COL8A1: variants seen among roughly 807,000 people sequenced by gnomAD.
COL8A1 encodes the protein collagen type VIII alpha 1 chain.
In COL8A1, 21 loss-of-function variants were observed where a neutral mutation model predicts 42.7. The observed-to-expected ratio is 0.49, with a 90% CI of 0.35 to 0.71. The LOEUF is 0.71. Among genes scored for constraint, COL8A1 ranks in the 30% least tolerant of loss-of-function variants. COL8A1 has a pLI of 0.01. For synonymous variants in COL8A1, 367 were observed against 369.1 expected (o/e 0.99, Z 0.06); for missense variants, 788 against 962.4 (o/e 0.82, Z 2.40).
At chr3:99,782,252 T>C (rs549139110) in intron 2 of COL8A1, among the ~76,000 whole-genome samples, 1 of 152,226 alleles carries the variant, frequency 6.6e-6, no homozygotes, top group East Asian at 1.9e-4. Flanking sequence ...GTAGGGGGTG[T>C]ACAAACTCTC....
chr3:99,696,630 G>A (rs916716908), intron 1 of COL8A1, among the ~76,000 whole-genome samples: 2 of 152,194 alleles, frequency 1.3e-5, no homozygotes, highest in African/African-American at 4.8e-5. Context: ...CCAGCCACTG[G>A]TGGGAGATTC....
At chr3:99,641,891 A>G (rs771510430) in intron 1 of COL8A1, among the ~76,000 whole-genome samples, 1 of 152,166 alleles carries the variant, frequency 6.6e-6, no homozygotes, top group Non-Finnish European at 1.5e-5. Flanking sequence ...AAGAAAACCA[A>G]AAGGAGAGGA....
At chr3:99,752,658 A>G (rs1386065062) in intron 2 of COL8A1, among the ~76,000 whole-genome samples, 1 of 151,866 alleles carries the variant, frequency 6.6e-6, no homozygotes, top group African/African-American at 2.4e-5. Flanking sequence ...TGAGATGAGG[A>G]CTTTTACTTG....
At chr3:99,682,630 G>A (rs1207421451) in intron 1 of COL8A1, among the ~76,000 whole-genome samples, 1 of 146,532 alleles carries the variant, frequency 6.8e-6, no homozygotes, top group Non-Finnish European at 1.5e-5. Flanking sequence ...AAAAAAAAAA[G>A]AAGTGCCTTA....
rs1048151664 is a variant in COL8A1, at chr3:99,794,202, C to A, written c.329-28C>A. On this transcript the variant is annotated intron_variant, in intron 3 of 3. Coordinates refer to ENST00000652472, the MANE Select transcript of COL8A1 (RefSeq NM_020351.4). The surrounding 1 kb of genome is among the most constrained non-coding windows in gnomAD (Gnocchi z 4.3). ...ATCAATCTCTCTCTCTCCCCCCATA[C>A]CCCTTCTCTCTCTTCTCTTCCCAGT... 4 of 1,432,694 alleles carry A rather than the reference C, an allele frequency of 2.8e-6. No homozygotes were observed. The highest frequency in any genetic ancestry group is 2.3e-5 in the East Asian group (1 of 43,688). 88.7% of individuals were successfully genotyped at this position (1,432,694 alleles called of 1,614,324 possible).
intron 1 of COL8A1, among the ~76,000 whole-genome samples, chr3:99,740,306 C>G (rs1429834487): frequency 1.3e-5 from 2 of 152,174 alleles, no homozygotes; most frequent in Non-Finnish European, 2.9e-5. Context: ...CAGGTATTTT[C>G]ATAGCAGCAC....
At position 99,790,704 on chromosome 3, in the gene COL8A1, C is replaced by G. The variant is rs758551609; in HGVS notation, c.22C>G (p.Leu8Val). ...GGTGATGGCTGTGCTGCCTGGCCCT[C>G]TGCAGCTGCTGGGAGTGCTGCTTAC... MAVLPGP[L>V]QLLGVLLTIS... Residue 8 changes from leucine (L) to valine (V), a missense_variant, in exon 3 of 4, where the codon CTG becomes GTG. Leu to Val is a conservative substitution (Grantham distance 32). Coordinates refer to ENST00000652472, the MANE Select transcript of COL8A1 (RefSeq NM_020351.4). 1 of 1,614,150 alleles carries G rather than the reference C, an allele frequency of 6.2e-7. No homozygotes were observed. The highest frequency in any genetic ancestry group is 8.5e-7 in the Non-Finnish European group (1 of 1,180,022).
chr3:99,660,231 C>T (rs898457990), intron 1 of COL8A1, among the ~76,000 whole-genome samples: 1 of 152,144 alleles, frequency 6.6e-6, no homozygotes, highest in African/African-American at 2.4e-5. Context: ...ATAAGCTCTC[C>T]AAAGTCAGTG....
At position 99,696,700 on chromosome 3, in the gene COL8A1, C is replaced by T. The variant is rs16841635; in HGVS notation, c.-128-48197C>T. On this transcript the variant is annotated intron_variant, in intron 1 of 3. Transcript: ENST00000652472. ...AGCCATTCATCAGTCCCCGGGGTTA[C>T]GCAATTAATGCAGCATCATAACAGA... is the stretch of plus-strand genomic sequence containing the variant. 4.3e-3 allele frequency among the ~76,000 whole-genome samples: 656 copies of T among 152,260 alleles called. 5 individuals carry two copies. Among genetic ancestry groups the T allele is most frequent in the African/African-American group, 0.015 (621 of 41,542 alleles).
chr3:99,715,663 T>C (rs185966007), intron 1 of COL8A1, among the ~76,000 whole-genome samples: 61 of 152,180 alleles, frequency 4.0e-4, no homozygotes, highest in Middle Eastern at 3.4e-3. Flanking sequence ...CAAAAATTTG[T>C]TGGAGCCGGA....
intron 1 of COL8A1, among the ~76,000 whole-genome samples, chr3:99,681,627 C>T (rs1457192548): frequency 6.6e-6 from 1 of 152,106 alleles, no homozygotes; most frequent in Non-Finnish European, 1.5e-5. Context: ...AAGACTAAAA[C>T]ACAAGAAGAC....
At chr3:99,699,342 G>A (rs1308243215) in intron 1 of COL8A1, among the ~76,000 whole-genome samples, 1 of 152,176 alleles carries the variant, frequency 6.6e-6, no homozygotes, top group African/African-American at 2.4e-5. Flanking sequence ...CACTGCACTT[G>A]TAAATCACAG....
At chr3:99,696,105 G>A (rs1939359601) in intron 1 of COL8A1, among the ~76,000 whole-genome samples, 1 of 152,218 alleles carries the variant, frequency 6.6e-6, no homozygotes, top group South Asian at 2.1e-4. Context: ...CTGCACTCCG[G>A]CCTGGGCGAC....
At chr3:99,669,615 A>T (rs974922688) in intron 1 of COL8A1, among the ~76,000 whole-genome samples, 17 of 152,120 alleles carry the variant, frequency 1.1e-4, no homozygotes, top group Non-Finnish European at 1.6e-4. Context: ...ATGAATAAAT[A>T]AATGAATGAA....
chr3:99,775,600 CCT>C (rs1031413995), intron 2 of COL8A1, among the ~76,000 whole-genome samples: 2 of 152,186 alleles, frequency 1.3e-5, no homozygotes, highest in Non-Finnish European at 2.9e-5. Context: ...TGATGGCCAG[CCT>C]CTCTTCCCAG....
At chr3:99,757,716 G>A (rs1167147127) in intron 2 of COL8A1, among the ~76,000 whole-genome samples, 3 of 152,086 alleles carry the variant, frequency 2.0e-5, no homozygotes, top group African/African-American at 7.2e-5. Flanking sequence ...AACTAGTAAA[G>A]AAATAAAAAT....
At chr3:99,776,352 C>T (rs1241061067) in intron 2 of COL8A1, among the ~76,000 whole-genome samples, 1 of 152,074 alleles carries the variant, frequency 6.6e-6, no homozygotes, top group Non-Finnish European at 1.5e-5. Flanking sequence ...TCTGTCTTTG[C>T]CTTGGATTGA....
chr3:99,779,698 C>T (rs760870148), intron 2 of COL8A1, among the ~76,000 whole-genome samples: 55 of 152,306 alleles, frequency 3.6e-4, no homozygotes, highest in Non-Finnish European at 6.8e-4. Context: ...TAGAAACTGT[C>T]TTTACCTTGC....
chr3:99,777,805 A>G (rs1445769513), intron 2 of COL8A1, among the ~76,000 whole-genome samples: 1 of 152,204 alleles, frequency 6.6e-6, no homozygotes, highest in African/African-American at 2.4e-5. Flanking sequence ...AAACAGAACC[A>G]TCAAAGGGCA....
Sources: gnomAD v4.1 joint callset for allele counts (sites outside exome capture counted in the v4.1 genomes callset) on GRCh38, gnomAD v4.1.1 for gene constraint, Gnocchi (gnomAD v3.1) non-coding constraint, MANE v1.5 for transcripts, NCBI Gene and HGNC (gene_info 2026-07-23, HGNC 2026-07-21) for gene names.